Variants in SGMS1 observed in about 807,000 individuals in gnomAD.
The protein encoded by SGMS1 is phosphatidylcholine:ceramide cholinephosphotransferase 1.
A neutral mutation model predicts 46.2 loss-of-function variants in SGMS1; 13 were observed. That is an observed-to-expected ratio of 0.28 (90% CI 0.18 to 0.45). The LOEUF is 0.45. Among genes scored for constraint, SGMS1 ranks in the 20% least tolerant of loss-of-function variants. The probability of loss-of-function intolerance (pLI) is 1.00; values close to 1 mark genes in which losing one functional copy is unlikely to be tolerated. For missense variants in SGMS1, 324 were observed against 519.9 expected (o/e 0.62, Z 3.66); for synonymous variants, 203 against 187.8 (o/e 1.08, Z -0.66).
chr10:50,393,684 A>C (rs755516525), intron 6 of SGMS1, among the ~76,000 whole-genome samples: 1 of 152,188 alleles, frequency 6.6e-6, no homozygotes, highest in Admixed American at 6.5e-5. Flanking sequence ...TCTGAGACCA[A>C]TTACTAGAGG....
chr10:50,370,340 C>T (rs921053521), intron 6 of SGMS1, among the ~76,000 whole-genome samples: 9 of 151,858 alleles, frequency 5.9e-5, no homozygotes, highest in African/African-American at 7.3e-5. Context: ...AAAACACAAA[C>T]GCATTATACA....
intron 6 of SGMS1, among the ~76,000 whole-genome samples, chr10:50,371,053 G>A (rs759890333): frequency 8.5e-5 from 13 of 152,178 alleles, no homozygotes; most frequent in Non-Finnish European, 1.6e-4. Flanking sequence ...CAAGTGTTAT[G>A]TAAGGTACAT....
intron 2 of SGMS1, among the ~76,000 whole-genome samples, chr10:50,581,646 T>C (rs181965899): frequency 2.4e-4 from 37 of 152,334 alleles, no homozygotes; most frequent in African/African-American, 8.9e-4. Flanking sequence ...TCTAAGAACC[T>C]ATTATAATTC....
At chr10:50,580,124 T>C (rs996473013) in intron 2 of SGMS1, among the ~76,000 whole-genome samples, 1 of 152,120 alleles carries the variant, frequency 6.6e-6, no homozygotes, top group African/African-American at 2.4e-5. Context: ...AACTATACTA[T>C]ATTACCCAGC....
intron 3 of SGMS1, among the ~76,000 whole-genome samples, chr10:50,517,563 C>T (rs1264861164): frequency 6.6e-6 from 1 of 151,982 alleles, no homozygotes; most frequent in Non-Finnish European, 1.5e-5. Flanking sequence ...GAAGTTCTAA[C>T]CTCCATTTAA....
chr10:50,428,542 TC>T (rs1419754221), intron 6 of SGMS1, among the ~76,000 whole-genome samples: 1 of 152,126 alleles, frequency 6.6e-6, no homozygotes, highest in African/African-American at 2.4e-5. Context: ...TGAGCTTTCT[TC>T]CCCCCGTAAT....
intron 3 of SGMS1, among the ~76,000 whole-genome samples, chr10:50,499,978 C>T (rs938806400): frequency 5.3e-5 from 8 of 152,144 alleles, no homozygotes; most frequent in Admixed American, 1.3e-4. Flanking sequence ...ACCAGCCTGA[C>T]CAACATGGTG....
intron 6 of SGMS1, among the ~76,000 whole-genome samples, chr10:50,350,297 G>A (rs1847985956): frequency 6.6e-6 from 1 of 152,164 alleles, no homozygotes; most frequent in South Asian, 2.1e-4. Flanking sequence ...TGTAACCTGG[G>A]TGCTGTTAAA....
chr10:50,428,803 A>C (rs1313330013), intron 6 of SGMS1, among the ~76,000 whole-genome samples: 1 of 152,202 alleles, frequency 6.6e-6, no homozygotes, highest in Non-Finnish European at 1.5e-5. Context: ...TATGAGACTA[A>C]GTACAATGAT....
chr10:50,609,633 T>C (rs1838729910), intron 1 of SGMS1, among the ~76,000 whole-genome samples: 1 of 151,666 alleles, frequency 6.6e-6, no homozygotes, highest in Non-Finnish European at 1.5e-5. Flanking sequence ...AGTATTCCAT[T>C]GTGTGGATAT....
chr10:50,509,036 G>C (rs2133769614), intron 3 of SGMS1, among the ~76,000 whole-genome samples: 1 of 152,286 alleles, frequency 6.6e-6, no homozygotes, highest in East Asian at 1.9e-4. Flanking sequence ...TTGCTCAACT[G>C]AGTTGACTAC....
At chr10:50,621,875 C>A (rs925289911) in intron 1 of SGMS1, among the ~76,000 whole-genome samples, 1 of 152,216 alleles carries the variant, frequency 6.6e-6, no homozygotes, top group African/African-American at 2.4e-5. Flanking sequence ...GCAGCAGCCA[C>A]CCCACTGCTA....
rs1404416900 is a variant in SGMS1, at chr10:50,599,734, G to A, written c.-683-9487C>T. Among the ~76,000 whole-genome samples, 28 of 151,998 alleles carry A rather than the reference G, an allele frequency of 1.8e-4. 1 individual carries two copies. Among genetic ancestry groups the A allele is most frequent in the Admixed American group, 1.8e-3 (28 of 15,262 alleles). ...AAAAATTAGCTGGGCATGGTGGCACGTGCCTAAAATCCCAGCTACTCAAGA... is the reference window on the plus strand; with the variant it reads ...AAAAATTAGCTGGGCATGGTGGCACATGCCTAAAATCCCAGCTACTCAAGA... On this transcript the variant is annotated intron_variant, in intron 1 of 10. Coordinates refer to ENST00000361781, the MANE Select transcript of SGMS1 (RefSeq NM_147156.4).
intron 5 of SGMS1, among the ~76,000 whole-genome samples, chr10:50,449,629 T>G (rs10826013): frequency 0.36 from 52,361 of 147,012 alleles, 9,227 homozygotes; most frequent in Admixed American, 0.42. Context: ...TCTCTACAAA[T>G]AGTGTGTGCA....
intron 2 of SGMS1, among the ~76,000 whole-genome samples, chr10:50,527,345 T>G (rs951304406): frequency 2.6e-5 from 4 of 152,228 alleles, no homozygotes; most frequent in Admixed American, 2.6e-4. Flanking sequence ...CATGTGTGTA[T>G]GTGTTCATGC....
intron 9 of SGMS1, among the ~76,000 whole-genome samples, chr10:50,311,037 TACTACAGATGAC>T (rs776914672): frequency 1.4e-3 from 208 of 152,292 alleles, no homozygotes; most frequent in Middle Eastern, 3.4e-3. Context: ...TCCACCCCAG[TACTACAGATGAC>T]ACTCCAGGAC....
chr10:50,515,781 C>T (rs1374720592), intron 3 of SGMS1, among the ~76,000 whole-genome samples: 2 of 152,170 alleles, frequency 1.3e-5, no homozygotes, highest in African/African-American at 4.8e-5. Context: ...CCAAGAAAAA[C>T]CCAAGAATAC....
At chr10:50,383,278 G>C (rs1048608488) in intron 6 of SGMS1, among the ~76,000 whole-genome samples, 2 of 152,082 alleles carry the variant, frequency 1.3e-5, no homozygotes, top group Non-Finnish European at 2.9e-5. Context: ...CAGATGAATA[G>C]AGCCGAAAGA....
intron 3 of SGMS1, among the ~76,000 whole-genome samples, chr10:50,476,017 C>T (rs76883711): frequency 0.18 from 25,171 of 143,216 alleles, 2,786 homozygotes; most frequent in Non-Finnish European, 0.25. Context: ...TTTGGGTAGC[C>T]GAGGCAGTCG....
Sources: allele counts gnomAD v4.1 joint callset (sites outside exome capture counted in the v4.1 genomes callset), GRCh38; gene constraint gnomAD v4.1.1; transcripts MANE v1.5; gene names NCBI Gene and HGNC (gene_info 2026-07-23, HGNC 2026-07-21).